MAGI2: variants seen among roughly 807,000 people sequenced by gnomAD.
MAGI2 encodes the protein membrane associated guanylate kinase, WW and PDZ domain containing 2.
A neutral mutation model predicts 133.3 loss-of-function variants in MAGI2; 35 were observed. That is an observed-to-expected ratio of 0.26 (90% confidence interval 0.20 to 0.35). MAGI2 has a LOEUF of 0.35. Ranked by LOEUF, MAGI2 falls within the 10% of genes least tolerant of loss-of-function variation. MAGI2 has a pLI of 1.00. For synonymous variants in MAGI2, 729 were observed against 710.6 expected, an observed-to-expected ratio of 1.03 and a Z score of -0.41; for missense variants, 1,636 against 1,863.4, an observed-to-expected ratio of 0.88 and a Z score of 2.25.
At chr7:78,672,652 A>G (rs540617988) in intron 2 of MAGI2, among the ~76,000 whole-genome samples, 1 of 152,336 alleles carries the variant, frequency 6.6e-6, no homozygotes. Flanking sequence ...ATTAAATAGC[A>G]GTTCTCAAAG....
chr7:79,135,842 G>T, intron 1 of MAGI2, among the ~76,000 whole-genome samples: 1 of 151,492 alleles, frequency 6.6e-6, no homozygotes, highest in East Asian at 1.9e-4. Context: ...TTGGGAGGCT[G>T]AGGCAGGAGA....
At chr7:79,300,328 T>A (rs1837295405) in intron 1 of MAGI2, among the ~76,000 whole-genome samples, 1 of 152,184 alleles carries the variant, frequency 6.6e-6, no homozygotes, top group Non-Finnish European at 1.5e-5. Flanking sequence ...AGGTCTCAGA[T>A]TGAAATGAGA....
At chr7:79,207,817 T>C (rs1349300980) in intron 1 of MAGI2, among the ~76,000 whole-genome samples, 1 of 151,938 alleles carries the variant, frequency 6.6e-6, no homozygotes, top group Non-Finnish European at 1.5e-5. Flanking sequence ...CAAAACATCA[T>C]GGTACTGGCA....
At chr7:78,511,923 G>A (rs539400110) in intron 4 of MAGI2, among the ~76,000 whole-genome samples, 1 of 147,664 alleles carries the variant, frequency 6.8e-6, no homozygotes, top group South Asian at 2.1e-4. Flanking sequence ...GTGAAACCTC[G>A]TCTCTACTAA....
intron 2 of MAGI2, among the ~76,000 whole-genome samples, chr7:78,653,954 G>T (rs1002296764): frequency 6.6e-6 from 1 of 152,148 alleles, no homozygotes. Context: ...AAATGAGGAA[G>T]TATTCAATAA....
intron 16 of MAGI2, among the ~76,000 whole-genome samples, chr7:78,143,874 C>T (rs1367117797): frequency 1.3e-5 from 2 of 150,388 alleles, no homozygotes; most frequent in East Asian, 3.9e-4. Flanking sequence ...TGATCTTATT[C>T]AGTGTTGCTT....
At chr7:78,998,912 C>T (rs374347226) in intron 2 of MAGI2, among the ~76,000 whole-genome samples, 1 of 152,082 alleles carries the variant, frequency 6.6e-6, no homozygotes, top group Non-Finnish European at 1.5e-5. Context: ...GACCTTCTTA[C>T]GTCCAGCAAG....
At chr7:78,371,555 T>C (rs990625289) in intron 6 of MAGI2, among the ~76,000 whole-genome samples, 5 of 152,004 alleles carry the variant, frequency 3.3e-5, no homozygotes, top group Admixed American at 1.3e-4. Context: ...ATAAAGTAAA[T>C]GATTATTTCA....
chr7:78,261,405 C>G (rs1458974417), intron 9 of MAGI2, among the ~76,000 whole-genome samples: 3 of 152,142 alleles, frequency 2.0e-5, no homozygotes, highest in Non-Finnish European at 4.4e-5. Flanking sequence ...CTCTTCCTGA[C>G]ATTGCTCCTA....
chr7:79,333,125 T>G (rs1364953496), intron 1 of MAGI2, among the ~76,000 whole-genome samples: 2 of 152,064 alleles, frequency 1.3e-5, no homozygotes, highest in Non-Finnish European at 2.9e-5. Flanking sequence ...CATCAGATCT[T>G]TTTTCAGTAT....
chr7:78,142,999 A>C (rs978571355), intron 16 of MAGI2, among the ~76,000 whole-genome samples: 6 of 152,194 alleles, frequency 3.9e-5, no homozygotes, highest in Admixed American at 2.0e-4. Context: ...CCACTAAGCC[A>C]AATAAATATT....
intron 6 of MAGI2, among the ~76,000 whole-genome samples, chr7:78,417,777 C>A (rs1474696888): frequency 6.6e-6 from 1 of 152,128 alleles, no homozygotes; most frequent in Non-Finnish European, 1.5e-5. Context: ...TCTACAGCCA[C>A]ACGGACTTCA....
Position 78,256,453 on chromosome 7 carries a change from G to T in MAGI2, c.1537C>A (p.Pro513Thr). The T allele has an allele frequency of 6.2e-7, 1 of 1,613,864 alleles. No homozygotes were observed. The highest frequency in any genetic ancestry group is 8.5e-7 in the Non-Finnish European group (1 of 1,179,946). The change falls in exon 10 of 22, where the codon CCC becomes ACC. Residue 513 changes from proline (P) to threonine (T), a missense_variant. By Grantham distance (38) the Pro-to-Thr change is conservative. This residue lies in a region of MAGI2 where 920 missense variants were observed against 1,093.5 expected (regional missense o/e 0.84). Coordinates refer to ENST00000354212, the MANE Select transcript of MAGI2 (RefSeq NM_012301.4). Reference sequence around the variant, plus strand: ...TTAGCAGGGTCTTCAGGATCAAAGGGCAAAGGGTAGCCACGACACAACACC... The same window carrying T: ...TTAGCAGGGTCTTCAGGATCAAAGGTCAAAGGGTAGCCACGACACAACACC... ...NLVLCRGYPL[P>T]FDPEDPANSM...
chr7:78,661,378 T>C (rs1812940441), intron 2 of MAGI2, among the ~76,000 whole-genome samples: 2 of 152,296 alleles, frequency 1.3e-5, no homozygotes, highest in South Asian at 2.1e-4. Context: ...GCCTATTAGA[T>C]AGCTTGGCAC....
At chr7:78,715,380 G>A (rs1819600804) in intron 2 of MAGI2, among the ~76,000 whole-genome samples, 1 of 152,112 alleles carries the variant, frequency 6.6e-6, no homozygotes, top group Non-Finnish European at 1.5e-5. Context: ...CCTGCAAGGA[G>A]GTATATTTTT....
chr7:78,181,372 ATCC>A (rs1039569659), intron 13 of MAGI2, among the ~76,000 whole-genome samples: 12 of 152,136 alleles, frequency 7.9e-5, no homozygotes, highest in African/African-American at 2.4e-4. Context: ...ACTGTGCCCC[ATCC>A]TTTTACTCTT....
At chr7:78,854,968 T>G (rs1488240820) in intron 2 of MAGI2, among the ~76,000 whole-genome samples, 1 of 152,022 alleles carries the variant, frequency 6.6e-6, no homozygotes, top group Admixed American at 6.6e-5. Flanking sequence ...CAATTCTACC[T>G]TACCTTCCTG....
At chr7:78,536,728 T>A (rs1203649296) in intron 3 of MAGI2, among the ~76,000 whole-genome samples, 1 of 131,416 alleles carries the variant, frequency 7.6e-6, no homozygotes, top group South Asian at 2.2e-4. Context: ...TTTTAAAAAA[T>A]TTCAATAGTT....
At chr7:79,028,573 G>A (rs1810257876) in intron 1 of MAGI2, among the ~76,000 whole-genome samples, 1 of 151,754 alleles carries the variant, frequency 6.6e-6, no homozygotes, top group Non-Finnish European at 1.5e-5. Context: ...ATCTTATTAT[G>A]AGAATCAGGG....
Sources: gnomAD v4.1 joint callset for allele counts (sites outside exome capture counted in the v4.1 genomes callset) on GRCh38, gnomAD v4.1.1 for gene constraint, gnomAD v4.1.1 regional missense constraint, MANE v1.5 for transcripts, NCBI Gene and HGNC (gene_info 2026-07-23, HGNC 2026-07-21) for gene names.